Variants in MPDZ observed in about 807,000 individuals in gnomAD.
MPDZ encodes multiple PDZ domain crumbs cell polarity complex component, also known as multiple PDZ domain protein.
A neutral mutation model predicts 239.1 loss-of-function variants in MPDZ; 234 were observed. The ratio of observed to expected loss-of-function variants is 0.98; its 90% CI spans 0.88 to 1.09. The LOEUF is 1.09. Among genes scored for constraint, MPDZ ranks in the 50% least tolerant of loss-of-function variants. MPDZ has a pLI of 0.00. For missense variants in MPDZ, 3,175 were observed against 2,510.0 expected, an observed-to-expected ratio of 1.26 and a Z score of -5.66; for synonymous variants, 1,048 against 881.3, an observed-to-expected ratio of 1.19 and a Z score of -3.35.
At chr9:13,235,247 G>A (rs2136983686) in intron 3 of MPDZ, among the ~76,000 whole-genome samples, 1 of 152,210 alleles carries the variant, frequency 6.6e-6, no homozygotes, top group East Asian at 1.9e-4. Flanking sequence ...AACTATTTTG[G>A]ACATAAGGTA....
intron 1 of MPDZ, among the ~76,000 whole-genome samples, chr9:13,251,063 T>C (rs1211848952): frequency 1.6e-5 from 2 of 127,886 alleles, no homozygotes; most frequent in African/African-American, 6.2e-5. Flanking sequence ...CAGGAAGCGG[T>C]GGTTGCGGTG....
intron 45 of MPDZ, among the ~76,000 whole-genome samples, 155 bp downstream of exon 45, chr9:13,109,792 TTTAAG>T (rs1249130386): frequency 6.6e-6 from 1 of 152,202 alleles, no homozygotes; most frequent in Non-Finnish European, 1.5e-5. Flanking sequence ...GCCACAATTA[TTTAAG>T]TTTAGAAGCA....
intron 17 of MPDZ, among the ~76,000 whole-genome samples, 193 bp from the exon 18 acceptor site, chr9:13,186,579 A>G (rs1349586117): frequency 2.0e-5 from 3 of 152,174 alleles, no homozygotes; most frequent in African/African-American, 7.2e-5. Context: ...TTCATTTGAT[A>G]AGACACAATG....
intron 32 of MPDZ, 85 bp from the exon 33 acceptor site, chr9:13,126,857 T>G: frequency 9.0e-7 from 1 of 1,112,182 alleles, no homozygotes; most frequent in Non-Finnish European, 1.4e-6. Context: ...GAAAAACAAC[T>G]AAAACTCTTC....
In MPDZ at chr9:13,162,790, G is replaced by C; in HGVS notation, c.3260C>G (p.Thr1087Ser). The C allele has an allele frequency of 6.2e-7, 1 of 1,606,862 alleles. No homozygotes were observed. Reference protein sequence around the residue: ...HSLIGPDIKITYVPAEHLEEF... With the variant: ...HSLIGPDIKISYVPAEHLEEF... ...TTCCAAATGTTCTGCAGGCACATAA[G>C]TAATTCTGGAACAAACCAGAATCCA... The change falls in exon 23 of 47, where the codon ACT (threonine) becomes AGT (serine). Residue 1087 changes from threonine (T) to serine (S), a missense_variant. Coordinates refer to ENST00000319217, the MANE Select transcript of MPDZ (RefSeq NM_001378778.1).
intron 6 of MPDZ, among the ~76,000 whole-genome samples, chr9:13,221,709 A>G (rs72643461): frequency 6.6e-6 from 1 of 152,034 alleles, no homozygotes; most frequent in Non-Finnish European, 1.5e-5. Flanking sequence ...GAAATTATCA[A>G]TATATCATCA....
chr9:13,196,268 C>G (rs1437606712), intron 12 of MPDZ, 38 bp from the exon 13 acceptor site: 6 of 1,374,002 alleles, frequency 4.4e-6, no homozygotes, highest in Non-Finnish European at 5.1e-6. Flanking sequence ...CAGCAAACTA[C>G]AGAAATCTCC....
chr9:13,215,945 GTTTTTTT>G (rs71331531), intron 10 of MPDZ, among the ~76,000 whole-genome samples: 1 of 82,620 alleles, frequency 1.2e-5, no homozygotes, highest in Non-Finnish European at 2.5e-5. Flanking sequence ...TCAGCAATTT[GTTTTTTT>G]TTTTTTTTTT....
intron 29 of MPDZ, among the ~76,000 whole-genome samples, chr9:13,137,744 C>T (rs1947037871): frequency 1.3e-5 from 2 of 152,158 alleles, no homozygotes; most frequent in African/African-American, 2.4e-5. Flanking sequence ...TCTGGTGCTA[C>T]ACAGTCATGA....
chr9:13,233,883 CTG>C (rs1419407048), intron 3 of MPDZ, among the ~76,000 whole-genome samples: 2 of 152,164 alleles, frequency 1.3e-5, no homozygotes, highest in Non-Finnish European at 2.9e-5. Context: ...TGGTCTACCA[CTG>C]TGATGTGTGG....
intron 24 of MPDZ, among the ~76,000 whole-genome samples, chr9:13,153,499 A>G (rs1329199351): frequency 6.6e-6 from 1 of 152,044 alleles, no homozygotes; most frequent in Non-Finnish European, 1.5e-5. Context: ...TCTGGAGTGC[A>G]GTGGCATGAT....
intron 21 of MPDZ, among the ~76,000 whole-genome samples, chr9:13,172,105 G>A (rs940012341): frequency 2.6e-5 from 4 of 152,068 alleles, no homozygotes; most frequent in Non-Finnish European, 5.9e-5. Context: ...ATAGAAATCT[G>A]AACATTTAGC....
chr9:13,270,052 C>CA (rs1271984910), intron 1 of MPDZ, among the ~76,000 whole-genome samples: 1 of 152,140 alleles, frequency 6.6e-6, no homozygotes, highest in Admixed American at 6.6e-5. Flanking sequence ...ATATTTTCTC[C>CA]ATGAAAGCAT....
Position 13,201,068 on chromosome 9 carries a change from T to A in MPDZ, c.1546+3968A>T, listed in dbSNP as rs7028442. 4.0e-3 allele frequency among the ~76,000 whole-genome samples: 614 copies of A among 152,216 alleles called. 5 individuals are homozygous for A. Among genetic ancestry groups the A allele is most frequent in the African/African-American group, 0.014 (594 of 41,568 alleles). On this transcript the variant is annotated intron_variant, in intron 12 of 46. Transcript: ENST00000319217. ...TCTCTCCCTTCAGGTTTATTTTTTT[T>A]AATATATTTGGGTGCTCTGATGTTG...
chr9:13,159,396 G>T (rs568232885), intron 23 of MPDZ, among the ~76,000 whole-genome samples: 17 of 152,252 alleles, frequency 1.1e-4, no homozygotes, highest in African/African-American at 4.1e-4. Context: ...CTGACACTAG[G>T]GTAGGACTGG....
At chr9:13,120,565 A>G (rs1351760716) in intron 38 of MPDZ, 2 of 152,218 alleles carry the variant, frequency 1.3e-5, no homozygotes, top group African/African-American at 4.8e-5. Flanking sequence ...ATTCCAAAAA[A>G]AGTCTATTTT....
At chr9:13,228,777 C>G (rs887085102) in intron 3 of MPDZ, among the ~76,000 whole-genome samples, 1 of 152,008 alleles carries the variant, frequency 6.6e-6, no homozygotes, top group African/African-American at 2.4e-5. Flanking sequence ...ATCAATTCAC[C>G]TATATAGTTT....
intron 3 of MPDZ, among the ~76,000 whole-genome samples, chr9:13,225,147 T>C (rs1013763681): frequency 6.6e-6 from 1 of 151,996 alleles, no homozygotes; most frequent in African/African-American, 2.4e-5. Flanking sequence ...AACACAGCTA[T>C]ACATGTGTTT....
chr9:13,263,783 C>T (rs923426675), intron 1 of MPDZ, among the ~76,000 whole-genome samples: 3 of 151,904 alleles, frequency 2.0e-5, no homozygotes, highest in African/African-American at 7.2e-5. Context: ...AAAACCCCAC[C>T]TTTGTGAATT....
Sources: gnomAD v4.1 joint callset for allele counts (sites outside exome capture counted in the v4.1 genomes callset) on GRCh38, gnomAD v4.1.1 for gene constraint, MANE v1.5 for transcripts, NCBI Gene and HGNC (gene_info 2026-07-23, HGNC 2026-07-21) for gene names.